PAK2: variants seen among roughly 807,000 people sequenced by gnomAD.
PAK2 encodes serine/threonine-protein kinase PAK 2.
Under a neutral mutation model 65.9 loss-of-function variants are expected in PAK2, and 21 were observed. The observed-to-expected ratio is 0.32, with a 90% CI of 0.23 to 0.46. The LOEUF is 0.46. PAK2 is among the 20% of genes least tolerant of loss of function. PAK2 has a pLI of 1.00. For synonymous variants in PAK2, 204 were observed against 219.7 expected, an observed-to-expected ratio of 0.93 and a Z score of 0.63; for missense variants, 324 against 642.6, an observed-to-expected ratio of 0.50 and a Z score of 5.36.
Position 196,807,799 on chromosome 3 carries a change from A to G in PAK2, c.594A>G (p.Val198=). The G allele has an allele frequency of 6.2e-7, 1 of 1,605,336 alleles. No individual in the cohort carries two copies. The highest frequency in any genetic ancestry group is 8.5e-7 in the Non-Finnish European group (1 of 1,173,376). ...CTCCACAGATTTACACACGGTCTGT[A>G]ATTGACCCTGTTCCTGCACCAGTTG... ...DHTKSIYTRS[V]IDPVPAPVGD... Residue 198 remains valine, a synonymous_variant, in exon 7 of 15, where the codon GTA becomes GTG. Coordinates refer to ENST00000327134, the MANE Select transcript of PAK2 (RefSeq NM_002577.4).
intron 1 of PAK2, among the ~76,000 whole-genome samples, chr3:196,761,323 C>G (rs1713954933): frequency 1.0e-5 from 1 of 97,968 alleles, no homozygotes; most frequent in East Asian, 2.5e-4. Flanking sequence ...GTGTTTGTGT[C>G]CCTGATTACT....
chr3:196,832,641 C>T lies in PAK2; in HGVS notation c.*4236C>T, dbSNP rs1712128549. 6.7e-6 allele frequency: 1 copy of T among 150,350 alleles called. No homozygotes were observed. Among genetic ancestry groups the T allele is most frequent in the African/African-American group, 2.4e-5 (1 of 40,886 alleles). 9.3% of individuals were successfully genotyped at this position (150,350 alleles called of 1,614,324 possible). On this transcript the variant is annotated 3_prime_UTR_variant, in exon 15 of 15. Transcript: ENST00000327134. ...ATTTTTAGTGATAAATGTTTTAAAC[C>T]TTTTAATGGTGTTGTGCCATCATTT...
At chr3:196,792,305 G>C (rs563102324) in intron 2 of PAK2, among the ~76,000 whole-genome samples, 29 of 152,184 alleles carry the variant, frequency 1.9e-4, no homozygotes, top group African/African-American at 6.8e-4. Flanking sequence ...TGTATGTAGG[G>C]TATTCCGTTA....
At chr3:196,826,547 G>GA (rs1352198725) in intron 13 of PAK2, among the ~76,000 whole-genome samples, 1 of 151,384 alleles carries the variant, frequency 6.6e-6, no homozygotes, top group East Asian at 1.9e-4. Context: ...TGTATGACTT[G>GA]AAAAAAATTT....
chr3:196,742,591 G>A, intron 1 of PAK2, among the ~76,000 whole-genome samples: 1 of 152,118 alleles, frequency 6.6e-6, no homozygotes, highest in Non-Finnish European at 1.5e-5. Context: ...TTGGCTTTCT[G>A]ACTTTTACAC....
At chr3:196,742,823 C>G (rs113356542) in intron 1 of PAK2, among the ~76,000 whole-genome samples, 1 of 151,992 alleles carries the variant, frequency 6.6e-6, no homozygotes, top group Admixed American at 6.6e-5. Flanking sequence ...AGGCTGAGGC[C>G]GGAGAATGGC....
rs185303191 is a variant in PAK2 at position 196,792,271 on chromosome 3, C to T, written c.187+9438C>T. Among the ~76,000 whole-genome samples, 16 of 152,250 alleles carry T rather than the reference C, an allele frequency of 1.1e-4. 1 individual carries two copies. Among genetic ancestry groups the T allele is most frequent in the Admixed American group, 4.6e-4 (7 of 15,300 alleles). On this transcript the variant is annotated intron_variant, in intron 2 of 14. Transcript: ENST00000327134. Reference sequence around the variant, plus strand: ...ATTAAATTGTAAACTACTAGTTTATCGTTAACTAATAAATAATTTCTCCTG... The same window carrying T: ...ATTAAATTGTAAACTACTAGTTTATTGTTAACTAATAAATAATTTCTCCTG...
At chr3:196,765,369 C>T (rs891800902) in intron 1 of PAK2, among the ~76,000 whole-genome samples, 9 of 151,894 alleles carry the variant, frequency 5.9e-5, no homozygotes, top group African/African-American at 1.2e-4. Context: ...AGGCTGGGCT[C>T]GAACTCCTGG....
At chr3:196,763,026 A>G (rs1237659673) in intron 1 of PAK2, among the ~76,000 whole-genome samples, 3 of 152,108 alleles carry the variant, frequency 2.0e-5, no homozygotes, top group African/African-American at 7.2e-5. Flanking sequence ...GGAATAGCAA[A>G]AGTAAGAAGC....
At chr3:196,783,245 A>G (rs1714768269) in intron 2 of PAK2, among the ~76,000 whole-genome samples, 1 of 152,182 alleles carries the variant, frequency 6.6e-6, no homozygotes, top group Non-Finnish European at 1.5e-5. Flanking sequence ...GTCTTTTACC[A>G]GGTGTTCTAT....
rs201123282 is a variant in PAK2 at position 196,768,125 on chromosome 3, TAA to T, written c.-21-14500_-21-14499del. Among the ~76,000 whole-genome samples the T allele has an allele frequency of 7.3e-3, 1,112 of 152,230 alleles. 25 individuals are homozygous for T. The highest frequency in any genetic ancestry group is 0.025 in the African/African-American group (1,043 of 41,464). On this transcript the variant is annotated intron_variant, in intron 1 of 14. Coordinates refer to ENST00000327134, the MANE Select transcript of PAK2 (RefSeq NM_002577.4). ...ATTTTGTCCTCAGTTCAGATCATTA[TAA>T]GTTTTAAAATGATAAATCAACACGT... is the stretch of plus-strand genomic sequence containing the variant.
intron 11 of PAK2, 31 bp downstream of exon 11, chr3:196,814,599 G>C (rs1204295347): frequency 1.2e-6 from 1 of 861,712 alleles, no homozygotes; most frequent in South Asian, 1.4e-5. Flanking sequence ...ATATGTTATG[G>C]TGATATGTGG....
chr3:196,783,677 C>G (rs1381943039), intron 2 of PAK2, among the ~76,000 whole-genome samples: 1 of 152,100 alleles, frequency 6.6e-6, no homozygotes, highest in Non-Finnish European at 1.5e-5. Flanking sequence ...TCTGAAGTCC[C>G]CATCTGCTAT....
intron 1 of PAK2, among the ~76,000 whole-genome samples, chr3:196,742,966 A>G (rs924700343): frequency 6.6e-6 from 1 of 152,228 alleles, no homozygotes; most frequent in Admixed American, 6.5e-5. Flanking sequence ...TCAAGACTTT[A>G]AGTCGTAAAG....
intron 13 of PAK2, among the ~76,000 whole-genome samples, chr3:196,825,487 CA>C (rs1168271801): frequency 3.3e-5 from 5 of 150,364 alleles, no homozygotes; most frequent in Admixed American, 2.6e-4. Flanking sequence ...ACTGAAAATA[CA>C]AAAAATTAGC....
At position 196,818,757 on chromosome 3, in the gene PAK2, T is replaced by G. The variant is rs149089344; in HGVS notation, c.1153+601T>G. 2.5e-3 allele frequency among the ~76,000 whole-genome samples: 372 copies of G among 150,682 alleles called. 1 individual carries two copies. The highest frequency in any genetic ancestry group is 6.8e-3 in the Middle Eastern group (2 of 292). ...AAATGAATTAAACTTTTGGATGACATTTTTTTTTTCTGGCTCTGCCATTTA... is the reference window on the plus strand; with the variant it reads ...AAATGAATTAAACTTTTGGATGACAGTTTTTTTTTCTGGCTCTGCCATTTA... On this transcript the variant is annotated intron_variant, in intron 12 of 14. Coordinates refer to ENST00000327134, the MANE Select transcript of PAK2 (RefSeq NM_002577.4).
At chr3:196,826,272 C>T (rs536311246) in intron 13 of PAK2, among the ~76,000 whole-genome samples, 4 of 151,202 alleles carry the variant, frequency 2.6e-5, no homozygotes, top group Non-Finnish European at 5.9e-5. Context: ...CCCGGGTTCA[C>T]GTCATTGTCC....
At position 196,830,878 on chromosome 3, in the gene PAK2, T is replaced by G. The variant is rs1390973850; in HGVS notation, c.*2473T>G. The G allele has an allele frequency of 6.6e-6, 1 of 152,062 alleles. No homozygotes were observed. The highest frequency in any genetic ancestry group is 1.5e-5 in the Non-Finnish European group (1 of 68,024). 9.4% of individuals were successfully genotyped at this position (152,062 alleles called of 1,614,324 possible). The stretch of plus-strand genomic sequence containing the variant: ...AAGAAAAATTATATCTGAATCAAGA[T>G]TCATGTTTTTTATTTTTATTTTTTT... On this transcript the variant is annotated 3_prime_UTR_variant, in exon 15 of 15. Transcript: ENST00000327134.
At position 196,831,410 on chromosome 3, in the gene PAK2, C is replaced by T. The variant is rs1415384453; in HGVS notation, c.*3005C>T. 1 of 152,044 alleles carries T rather than the reference C, an allele frequency of 6.6e-6. No individual in the cohort carries two copies. Among genetic ancestry groups the T allele is most frequent in the Non-Finnish European group, 1.5e-5 (1 of 68,016 alleles). The allele number at this position is 152,044 out of a possible 1,614,324, so 9.4% of individuals were successfully genotyped here. On this transcript the variant is annotated 3_prime_UTR_variant, in exon 15 of 15. Transcript: ENST00000327134. ...CAATTAAAACTGGGAAACTATGAAA[C>T]ATGGAACATTTTATCCTACCTGAAA...
Sources: allele counts gnomAD v4.1 joint callset (sites outside exome capture counted in the v4.1 genomes callset), GRCh38; gene constraint gnomAD v4.1.1; transcripts MANE v1.5; gene names NCBI Gene and HGNC (gene_info 2026-07-23, HGNC 2026-07-21).